The following GABRE variants were observed in gnomAD, a reference collection of about 807,000 sequenced individuals.
GABRE encodes the protein gamma-aminobutyric acid receptor subunit epsilon.
Under a neutral mutation model 31.0 loss-of-function variants are expected in GABRE, and 20 were observed. The ratio of observed to expected loss-of-function variants is 0.64; its 90% CI spans 0.45 to 0.94. The LOEUF is 0.94. Among genes scored for constraint, GABRE ranks in the 40% least tolerant of loss-of-function variants. GABRE has a pLI of 0.00. For missense variants in GABRE, 420 were observed against 410.7 expected (o/e 1.02, Z -0.20); for synonymous variants, 155 against 150.6 (o/e 1.03, Z -0.21).
At chrX:151,955,668 C>T in intron 7 of GABRE, 40 bp downstream of exon 7, 1 of 1,208,454 alleles carries the variant, frequency 8.3e-7, no homozygotes, top group East Asian at 3.0e-5. Flanking sequence ...CAGCCAACTC[C>T]CAGCCATGTG....
chrX:151,955,057 G>C lies in GABRE; in HGVS notation c.1165C>G (p.Arg389Gly). 1 of 1,202,091 alleles carries C rather than the reference G, an allele frequency of 8.3e-7. No individual in the cohort carries two copies. Among genetic ancestry groups the C allele is most frequent in the Non-Finnish European group, 1.1e-6 (1 of 890,284 alleles). ...CAGGCTCGGGAACGTGCACGGGTAC[G>C]GGCATGGGCACGGCTATTGATACGA... ...HPRINSRAHA[R>G]TRARSRACAR... Residue 389 changes from arginine to glycine, a missense_variant, in exon 9 of 9, where the codon CGT (arginine) becomes GGT (glycine). Transcript: ENST00000370328.
At chrX:151,963,054 A>G (rs1411823809) in intron 3 of GABRE, among the ~76,000 whole-genome samples, 1 of 112,416 alleles carries the variant, frequency 8.9e-6, no homozygotes, top group African/African-American at 3.2e-5. Context: ...TAGCACATAG[A>G]GCAAGTCTAG....
Position 151,962,651 on chromosome X carries a change from G to T in GABRE, c.343-8C>A, listed in dbSNP as rs748625484. The T allele has an allele frequency of 4.2e-6, 5 of 1,181,090 alleles. No individual in the cohort carries two copies. The highest frequency in any genetic ancestry group is 5.7e-6 in the Non-Finnish European group (5 of 869,617). On this transcript the variant is annotated splice_region_variant and splice_polypyrimidine_tract_variant and intron_variant, in intron 3 of 8. Coordinates refer to ENST00000370328, the MANE Select transcript of GABRE (RefSeq NM_004961.4). ...GATGTCAATGGTGTATTCCTGGTGG[G>T]AAGGACAGAAAAGCACATACTTGGG...
Position 151,962,494 on chromosome X carries a change from G to C in GABRE, c.492C>G (p.His164Gln). The part of the protein sequence containing the change: ...DTFFRNSKRT[H>Q]EHEITMPNQM... ...GGTTGGGCATGGTGATCTCATGCTCGTGGGTCCTCTTAGAATTCCTAAAAA... is the reference window on the plus strand; with the variant it reads ...GGTTGGGCATGGTGATCTCATGCTCCTGGGTCCTCTTAGAATTCCTAAAAA... The change falls in exon 4 of 9, where the codon CAC becomes CAG. Residue 164 changes from histidine to glutamine, a missense_variant. By Grantham distance (24) the His-to-Gln change is conservative. Coordinates refer to ENST00000370328, the MANE Select transcript of GABRE (RefSeq NM_004961.4). 2.5e-6 allele frequency: 3 copies of C among 1,211,173 alleles called. No individual in the cohort carries two copies. The highest frequency in any genetic ancestry group is 3.4e-6 in the Non-Finnish European group (3 of 895,270).
At position 151,974,628 on chromosome X, in the gene GABRE, CCGCGGAGACCGGCGCGACCACCTG is replaced by C. The variant is rs755537325; in HGVS notation, c.-27_-4del. The C allele has an allele frequency of 9.4e-6, 11 of 1,168,824 alleles. No individual in the cohort carries two copies. The highest frequency in any genetic ancestry group is 2.3e-4 in the Middle Eastern group (1 of 4,279). ...ACTGGAAGAACTTTGGACAACATTTCCGCGGAGACCGGCGCGACCACCTGCGCGGAGGTCGCGGCTCACGCTCTG... is the reference window on the plus strand; with the variant it reads ...ACTGGAAGAACTTTGGACAACATTTCCGCGGAGGTCGCGGCTCACGCTCTG... On this transcript the variant is annotated 5_prime_UTR_variant, in exon 1 of 9. Coordinates refer to ENST00000370328, the MANE Select transcript of GABRE (RefSeq NM_004961.4).
Position 151,974,508 on chromosome X carries a change from C to A in GABRE, c.56+62G>T, listed in dbSNP as rs1204163295. 7 of 837,228 alleles carry A rather than the reference C, an allele frequency of 8.4e-6. No individual in the cohort carries two copies. The South Asian group carries it at 1.6e-4, about 19-fold the overall frequency. The allele number at this position is 837,228 out of a possible 1,213,427, so 69.0% of individuals were successfully genotyped here. A position where few individuals can be genotyped will look rare whatever the true frequency, so the allele number is the denominator to read the frequency against. On this transcript the variant is annotated intron_variant, in intron 1 of 8. Coordinates refer to ENST00000370328, the MANE Select transcript of GABRE (RefSeq NM_004961.4). ...GGCCGCTGGGGTCCCGGGAGCCGTC[C>A]CGGCTCCCGGGGAGAGGGAGCTGGG...
chrX:151,959,589 C>T (rs1344438537), intron 6 of GABRE: 1 of 469,924 alleles, frequency 2.1e-6, no homozygotes, highest in South Asian at 2.3e-5. Context: ...CCGACAGCAG[C>T]AGAACTTTAT....
At position 151,969,780 on chromosome X, in the gene GABRE, C is replaced by T. The variant is rs149579078; in HGVS notation, c.275-44G>A. On this transcript the variant is annotated intron_variant, in intron 2 of 8. Coordinates refer to ENST00000370328, the MANE Select transcript of GABRE (RefSeq NM_004961.4). Reference sequence around the variant, plus strand: ...CAGCAGAGGGTAAGTGTCAAACAGGCGCATGGGACGGGGGAGGAAGTGGTC... The same window carrying T: ...CAGCAGAGGGTAAGTGTCAAACAGGTGCATGGGACGGGGGAGGAAGTGGTC... 2,673 of 1,196,201 alleles carry T rather than the reference C, an allele frequency of 2.2e-3. 42 individuals carry two copies. In the African/African-American group the frequency reaches 0.038, roughly 17 times the overall value.
intron 3 of GABRE, 51 bp downstream of exon 3, chrX:151,969,618 A>C: frequency 8.7e-7 from 1 of 1,150,745 alleles, no homozygotes; most frequent in Non-Finnish European, 1.2e-6. Flanking sequence ...GGAAGGTCCC[A>C]TAGGTCAGCC....
chrX:151,971,943 A>T, intron 1 of GABRE: 3 of 355,365 alleles, frequency 8.4e-6, no homozygotes, highest in Non-Finnish European at 1.1e-5. Context: ...GTATTTCCTG[A>T]TCTAGGTGTT....
chrX:151,966,244 T>G (rs1248925686), intron 3 of GABRE, among the ~76,000 whole-genome samples: 1 of 112,439 alleles, frequency 8.9e-6, no homozygotes, highest in Non-Finnish European at 1.9e-5. Context: ...AGAAATTCAG[T>G]GTTTTGGAAC....
At chrX:151,956,079 T>A in intron 6 of GABRE, 1 of 411,056 alleles carries the variant, frequency 2.4e-6, no homozygotes, top group Non-Finnish European at 4.2e-6. Flanking sequence ...AAGGCCAGAA[T>A]CTTAATAGCT....
At chrX:151,966,785 G>A (rs1478947346) in intron 3 of GABRE, among the ~76,000 whole-genome samples, 1 of 112,142 alleles carries the variant, frequency 8.9e-6, no homozygotes, top group African/African-American at 3.2e-5. Flanking sequence ...AAGACACTTG[G>A]CTCAGGCTAA....
intron 6 of GABRE, chrX:151,957,725 G>A: frequency 8.7e-6 from 2 of 231,157 alleles, no homozygotes; most frequent in Non-Finnish European, 8.0e-6. Flanking sequence ...GAGAAGCACG[G>A]GTAAGGAAAA....
chrX:151,954,390 T>G lies in GABRE; in HGVS notation c.*311A>C. 6 of 219,235 alleles carry G rather than the reference T, an allele frequency of 2.7e-5. No individual in the cohort carries two copies. The highest frequency in any genetic ancestry group is 8.7e-5 in the East Asian group (1 of 11,501). 18.1% of individuals were successfully genotyped at this position (219,235 alleles called of 1,213,427 possible). Reference sequence around the variant, plus strand: ...TAGCTAATCCGCCTGTACTTAGGCATGGTTTTAGGGAGCTGATCACTAAGT... The same window carrying G: ...TAGCTAATCCGCCTGTACTTAGGCAGGGTTTTAGGGAGCTGATCACTAAGT... On this transcript the variant is annotated 3_prime_UTR_variant, in exon 9 of 9. Coordinates refer to ENST00000370328, the MANE Select transcript of GABRE (RefSeq NM_004961.4).
Position 151,955,737 on chromosome X carries a change from G to A in GABRE, c.908C>T (p.Thr303Ile), listed in dbSNP as rs1934144740. The A allele has an allele frequency of 8.3e-7, 1 of 1,210,489 alleles. No individual in the cohort carries two copies. The highest frequency in any genetic ancestry group is 1.1e-6 in the Non-Finnish European group (1 of 895,394). The change falls in exon 7 of 9, where the codon ACA (threonine) becomes ATA (isoleucine). Residue 303 changes from threonine to isoleucine, a missense_variant. Transcript: ENST00000370328. ...MLSWVSFWIK[T>I]ESAPARTSLG... is the part of the protein sequence containing the mutation. ...AGAGGTCCGGGCTGGAGCAGACTCTGTCTTGATCCAAAAGGAAACCCAGGA... is the reference window on the plus strand; with the variant it reads ...AGAGGTCCGGGCTGGAGCAGACTCTATCTTGATCCAAAAGGAAACCCAGGA...
chrX:151,962,579 G>C lies in GABRE; in HGVS notation c.407C>G (p.Thr136Ser). ...WYDERLCYNDTFESLVLNGNV... is the reference protein window; with the variant it reads ...WYDERLCYNDSFESLVLNGNV... ...GCCATTCAGAACAAGAGACTCAAAG[G>C]TGTCGTTGTAACAGAGGCGTTCGTC... Residue 136 changes from threonine (T) to serine (S), a missense_variant, in exon 4 of 9, where the codon ACC becomes AGC. Physicochemically the swap from Thr to Ser is moderately conservative, Grantham distance 58. Coordinates refer to ENST00000370328, the MANE Select transcript of GABRE (RefSeq NM_004961.4). 1 of 1,211,465 alleles carries C rather than the reference G, an allele frequency of 8.3e-7. No individual in the cohort carries two copies. Among genetic ancestry groups the C allele is most frequent in the East Asian group, 3.0e-5 (1 of 33,818 alleles).
rs187118231 is a variant in GABRE at position 151,968,446 on chromosome X, T to C, written c.342+1223A>G. On this transcript the variant is annotated intron_variant, in intron 3 of 8. Coordinates refer to ENST00000370328, the MANE Select transcript of GABRE (RefSeq NM_004961.4). ...GAATCAGGCAGCCAAAGCCTCATGG[T>C]TTGGGAGTGGGGAACCTTGCTTTTC... is the stretch of plus-strand genomic sequence containing the variant. 4.6e-3 allele frequency among the ~76,000 whole-genome samples: 515 copies of C among 112,491 alleles called. 1 individual carries two copies. The highest frequency in any genetic ancestry group is 7.6e-3 in the Admixed American group (81 of 10,672).
rs774077841 is a variant in GABRE, at chrX:151,955,819, G to T, written c.826C>A (p.Arg276=). The T allele has an allele frequency of 8.3e-7, 1 of 1,211,638 alleles. No homozygotes were observed. Residue 276 remains arginine, a synonymous_variant, in exon 7 of 9, where the codon CGG becomes AGG. Transcript: ENST00000370328. ...VMTIFFNVSR[R]FGYVAFQNYV... Reference sequence around the variant, plus strand: ...TTTTGAAAGGCAACATAGCCAAACCGCCTGCTCACATTGAAGAAAATCGTC... The same window carrying T: ...TTTTGAAAGGCAACATAGCCAAACCTCCTGCTCACATTGAAGAAAATCGTC...
Sources: gnomAD v4.1 joint callset for allele counts (sites outside exome capture counted in the v4.1 genomes callset) on GRCh38, gnomAD v4.1.1 for gene constraint, MANE v1.5 for transcripts, NCBI Gene and HGNC (gene_info 2026-07-23, HGNC 2026-07-21) for gene names.